The following RAPGEF2 variants were observed in gnomAD, a reference collection of about 807,000 sequenced individuals.
RAPGEF2 encodes Rap guanine nucleotide exchange factor 2.
Under a neutral mutation model 186.7 loss-of-function variants are expected in RAPGEF2, and 54 were observed. The ratio of observed to expected loss-of-function variants is 0.29; its 90% CI spans 0.23 to 0.36. The LOEUF (loss-of-function observed/expected upper bound fraction) is 0.36. Among genes scored for constraint, RAPGEF2 ranks in the 10% least tolerant of loss-of-function variants. The pLI is 1.00. For missense variants in RAPGEF2, 1,532 were observed against 2,045.0 expected, an observed-to-expected ratio of 0.75 and a Z score of 4.84; for synonymous variants, 712 against 705.9, an observed-to-expected ratio of 1.01 and a Z score of -0.14.
In RAPGEF2 at chr4:159,104,699, C is replaced by T. The variant is rs549612029; in HGVS notation, c.69+468C>T. On this transcript the variant is annotated intron_variant, in intron 1 of 29. Transcript: ENST00000691494. ...CTCTTGCTCCCTCTGACTCCAGATC[C>T]GTTCCTCCCCTTGCAAGTGACCCTT... Among the ~76,000 whole-genome samples, 44 of 152,266 alleles carry T rather than the reference C, an allele frequency of 2.9e-4. No homozygotes were observed. The East Asian group carries it at 6.0e-3, about 21-fold the overall frequency.
intron 4 of RAPGEF2, among the ~76,000 whole-genome samples, chr4:159,226,002 A>G (rs966611854): frequency 6.6e-6 from 1 of 152,088 alleles, no homozygotes; most frequent in African/African-American, 2.4e-5. Context: ...CATGTTGTCA[A>G]CCTCCTTTTT....
At chr4:159,310,171 CATA>C (rs1038700317) in intron 8 of RAPGEF2, among the ~76,000 whole-genome samples, 3 of 152,030 alleles carry the variant, frequency 2.0e-5, no homozygotes, top group African/African-American at 7.2e-5. Context: ...GTATTTGAAA[CATA>C]ATAGTAATTG....
In RAPGEF2 at chr4:159,330,295, G is replaced by GTGTGTA. The variant is rs1554038040; in HGVS notation, c.1303-38_1303-37insGTGTAT. On this transcript the variant is annotated intron_variant, in intron 12 of 29. Transcript: ENST00000691494. ...TGTGTGTGTGTGTGTGTGTGTGTGT[G>GTGTGTA]TATATATATGTAGTAATTAAACCTT... 7.7e-5 allele frequency: 71 copies of GTGTGTA among 924,430 alleles called. No individual in the cohort carries two copies. The African/African-American group carries it at 9.6e-4, about 12-fold the overall frequency. 57.3% of individuals were successfully genotyped at this position (924,430 alleles called of 1,614,324 possible). A position where few individuals can be genotyped will look rare whatever the true frequency, so the allele number is the denominator to read the frequency against.
intron 20 of RAPGEF2, among the ~76,000 whole-genome samples, chr4:159,342,535 T>G (rs1471258237): frequency 9.3e-6 from 1 of 107,366 alleles, no homozygotes; most frequent in Non-Finnish European, 1.9e-5. Flanking sequence ...GCTTTTATTT[T>G]ATTTTATTTT....
intron 7 of RAPGEF2, among the ~76,000 whole-genome samples, chr4:159,277,612 G>T (rs1437837206): frequency 6.6e-6 from 1 of 152,272 alleles, no homozygotes; most frequent in Admixed American, 6.5e-5. Flanking sequence ...TTTAATGATT[G>T]CCATTCTAAC....
intron 17 of RAPGEF2, among the ~76,000 whole-genome samples, chr4:159,333,160 A>G (rs1236176175): frequency 1.3e-5 from 2 of 151,694 alleles, no homozygotes; most frequent in African/African-American, 4.8e-5. Context: ...TTGTATTTTT[A>G]GTAGAGACGG....
chr4:159,177,965 G>A (rs571381527), intron 1 of RAPGEF2, among the ~76,000 whole-genome samples: 3 of 152,282 alleles, frequency 2.0e-5, no homozygotes, highest in South Asian at 4.1e-4. Flanking sequence ...GTCGCTTTAA[G>A]CAAGATGCTC....
In RAPGEF2 at chr4:159,198,424, CTCTCTCTCTT is replaced by C. The variant is rs1356934564; in HGVS notation, c.197+5172_197+5181del. On this transcript the variant is annotated intron_variant, in intron 3 of 29. Transcript: ENST00000691494. Reference sequence around the variant, plus strand: ...TCTCTTCCTCTCTTCCTCTCTCTCTCTCTCTCTCTTTCTTTCTTTCTTCTTACTGTTTTTT... The same window carrying C: ...TCTCTTCCTCTCTTCCTCTCTCTCTCTCTTTCTTTCTTCTTACTGTTTTTT... Among the ~76,000 whole-genome samples the C allele has an allele frequency of 2.1e-4, 28 of 130,482 alleles. 1 individual carries two copies. The East Asian group carries it at 2.4e-3, about 11-fold the overall frequency. 85.6% of individuals were successfully genotyped at this position (130,482 alleles called of 152,430 possible). A position where few individuals can be genotyped will look rare whatever the true frequency, so the allele number is the denominator to read the frequency against.
At chr4:159,247,998 T>C (rs1424741703) in intron 7 of RAPGEF2, among the ~76,000 whole-genome samples, 3 of 151,914 alleles carry the variant, frequency 2.0e-5, no homozygotes, top group Non-Finnish European at 4.4e-5. Flanking sequence ...CCAACCTCAA[T>C]TGATCCACCC....
At chr4:159,330,668 T>C (rs1334282973) in intron 13 of RAPGEF2, 170 bp downstream of exon 13, 1 of 543,118 alleles carries the variant, frequency 1.8e-6, no homozygotes, top group East Asian at 3.4e-5. Context: ...ATACAAAATA[T>C]TAGTTCAGCC....
At chr4:159,295,892 A>G (rs1454438236) in intron 7 of RAPGEF2, among the ~76,000 whole-genome samples, 1 of 152,148 alleles carries the variant, frequency 6.6e-6, no homozygotes, top group Non-Finnish European at 1.5e-5. Flanking sequence ...TTATATAATG[A>G]AGTTCTCTCT....
At chr4:159,170,565 C>T (rs1470671158) in intron 1 of RAPGEF2, among the ~76,000 whole-genome samples, 2 of 152,120 alleles carry the variant, frequency 1.3e-5, no homozygotes, top group Non-Finnish European at 2.9e-5. Flanking sequence ...AACCCTATGC[C>T]ATTTTATATA....
rs115381545 is a variant in RAPGEF2 at position 159,153,223 on chromosome 4, G to A, written c.70-33419G>A. Among the ~76,000 whole-genome samples, 539 of 152,304 alleles carry A rather than the reference G, an allele frequency of 3.5e-3. 3 individuals are homozygous for A. The highest frequency in any genetic ancestry group is 0.012 in the African/African-American group (498 of 41,566). On this transcript the variant is annotated intron_variant, in intron 1 of 29. Transcript: ENST00000691494. ...GGAACTGGATTAGATGCAAGAGATT[G>A]CCTGATTTAGTGGTTCCCTTGACTG...
At chr4:159,122,291 C>G (rs899271648) in intron 1 of RAPGEF2, among the ~76,000 whole-genome samples, 11 of 151,514 alleles carry the variant, frequency 7.3e-5, no homozygotes, top group Admixed American at 7.2e-4. Context: ...CCAGCCTGAC[C>G]AACATGGTGA....
intron 3 of RAPGEF2, among the ~76,000 whole-genome samples, chr4:159,206,085 T>G (rs1749955589): frequency 6.6e-6 from 1 of 152,092 alleles, no homozygotes; most frequent in South Asian, 2.1e-4. Context: ...ACCGCCACCA[T>G]GCCCGGCTAA....
chr4:159,114,756 T>G (rs917870893), intron 1 of RAPGEF2, among the ~76,000 whole-genome samples: 1 of 152,102 alleles, frequency 6.6e-6, no homozygotes, highest in African/African-American at 2.4e-5. Context: ...CCAATGAAAT[T>G]TAAATTGTAG....
intron 1 of RAPGEF2, among the ~76,000 whole-genome samples, chr4:159,172,028 T>TA (rs539691208): frequency 7.9e-5 from 12 of 151,564 alleles, no homozygotes; most frequent in African/African-American, 1.7e-4. Context: ...AATGACATTA[T>TA]AAAAAAAAGG....
chr4:159,349,340 T>C (rs1246554518), intron 25 of RAPGEF2, among the ~76,000 whole-genome samples: 1 of 152,238 alleles, frequency 6.6e-6, no homozygotes, highest in Non-Finnish European at 1.5e-5. Flanking sequence ...AAAATAAAAT[T>C]GAGAGTGCCT....
chr4:159,119,215 T>G (rs1560980886), intron 1 of RAPGEF2, among the ~76,000 whole-genome samples: 1 of 152,192 alleles, frequency 6.6e-6, no homozygotes, highest in Non-Finnish European at 1.5e-5. Flanking sequence ...AGGATGTCAT[T>G]TAAAGAAACT....
Sources: allele counts gnomAD v4.1 joint callset (sites outside exome capture counted in the v4.1 genomes callset), GRCh38; gene constraint gnomAD v4.1.1; transcripts MANE v1.5; gene names NCBI Gene and HGNC (gene_info 2026-07-23, HGNC 2026-07-21).